The following SPIB variants were observed in gnomAD, a reference collection of about 807,000 sequenced individuals.
The protein encoded by SPIB is Spi-B transcription factor, also known as transcription factor Spi-B.
A neutral mutation model predicts 31.9 loss-of-function variants in SPIB; 7 were observed. That is an observed-to-expected ratio of 0.22 (90% CI 0.12 to 0.41). The LOEUF is 0.41. Ranked by LOEUF, SPIB falls within the 10% of genes least tolerant of loss-of-function variation. SPIB has a pLI of 1.00. For synonymous variants in SPIB, 176 were observed against 158.9 expected, an observed-to-expected ratio of 1.11 and a Z score of -0.81; for missense variants, 327 against 360.2, an observed-to-expected ratio of 0.91 and a Z score of 0.75.
At chr19:50,425,907 G>C (rs1282758694) in intron 5 of SPIB, among the ~76,000 whole-genome samples, 1 of 152,026 alleles carries the variant, frequency 6.6e-6, no homozygotes, top group Non-Finnish European at 1.5e-5. Context: ...TTCCTGAGGG[G>C]GTTTTAATTG....
Position 50,421,365 on chromosome 19 carries a change from C to T in SPIB, c.52-1108C>T, listed in dbSNP as rs911308357. On this transcript the variant is annotated intron_variant, in intron 2 of 5. Coordinates refer to ENST00000595883, the MANE Select transcript of SPIB (RefSeq NM_003121.5). Reference sequence around the variant, plus strand: ...TTGAGACAGAGTTTTGCTCTGTCGCCGGGCTGGAGTACAGTGGTGCGATCT... The same window carrying T: ...TTGAGACAGAGTTTTGCTCTGTCGCTGGGCTGGAGTACAGTGGTGCGATCT... 4.6e-5 allele frequency among the ~76,000 whole-genome samples: 7 copies of T among 152,212 alleles called. No individual in the cohort carries two copies. The East Asian group carries it at 1.2e-3, about 25-fold the overall frequency.
chr19:50,423,730 C>A lies in SPIB; in HGVS notation c.465C>A (p.Gly155=). The A allele has an allele frequency of 6.2e-7, 1 of 1,610,344 alleles. No individual in the cohort carries two copies. The highest frequency in any genetic ancestry group is 1.1e-5 in the South Asian group (1 of 90,534). ...DSESDEALVA[G]PEGKGSEAGT... ...AGTCGGATGAGGCCCTCGTGGCTGG[C>A]CCCGAGGGGAAGGGATCCGAGGCAG... is the stretch of plus-strand genomic sequence containing the variant. The change falls in exon 5 of 6, where the codon GGC becomes GGA. Residue 155 remains glycine (G), a synonymous_variant. Transcript: ENST00000595883.
intron 5 of SPIB, 77 bp from the exon 6 acceptor site, chr19:50,427,961 G>T (rs2039589462): frequency 7.1e-7 from 1 of 1,417,706 alleles, no homozygotes; most frequent in East Asian, 2.7e-5. Flanking sequence ...CGGGGTGGAA[G>T]TCTCGGAGGA....
intron 4 of SPIB, 82 bp from the exon 5 acceptor site, chr19:50,423,523 G>A: frequency 6.5e-7 from 1 of 1,537,096 alleles, no homozygotes; most frequent in Non-Finnish European, 8.8e-7. Flanking sequence ...AGAGCCAGGA[G>A]GGCCACCGCC....
intron 2 of SPIB, among the ~76,000 whole-genome samples, chr19:50,420,672 G>C (rs951973203): frequency 6.6e-6 from 1 of 152,154 alleles, no homozygotes; most frequent in African/African-American, 2.4e-5. Context: ...CTGTCACCCA[G>C]GCTGGAGTGC....
chr19:50,427,540 C>A (rs1402487117), intron 5 of SPIB, among the ~76,000 whole-genome samples: 1 of 152,124 alleles, frequency 6.6e-6, no homozygotes, highest in African/African-American at 2.4e-5. Context: ...CAAACTAAAC[C>A]CTAGGAGCCC....
At chr19:50,424,141 T>G (rs899007234) in intron 5 of SPIB, among the ~76,000 whole-genome samples, 11 of 152,300 alleles carry the variant, frequency 7.2e-5, no homozygotes, top group Non-Finnish European at 1.5e-4. Flanking sequence ...CCTTGCCCCC[T>G]GCCCGTGTGC....
intron 1 of SPIB, 140 bp from the exon 2 acceptor site, chr19:50,419,806 G>T (rs539507562): frequency 1.5e-5 from 12 of 786,150 alleles, no homozygotes; most frequent in Non-Finnish European, 2.1e-5. Flanking sequence ...GGGGGAGTCC[G>T]GTGAATGTGG....
chr19:50,424,578 C>T (rs928835614), intron 5 of SPIB, among the ~76,000 whole-genome samples: 2 of 152,044 alleles, frequency 1.3e-5, no homozygotes, highest in Admixed American at 1.3e-4. Context: ...GTCAAGAGAT[C>T]GAGACCATCC....
rs780410385 is a variant in SPIB, at chr19:50,422,940, C to G, written c.242C>G (p.Pro81Arg). ...GCTGCCCAGCTCTGCTACGAACCCC[C>G]CACCTACAGCCCTGCAGGGAACCTC... ...PQAAQLCYEPPTYSPAGNLEL... is the reference protein window; with the variant it reads ...PQAAQLCYEPRTYSPAGNLEL... Residue 81 changes from proline (P) to arginine (R), a missense_variant, in exon 4 of 6, where the codon CCC becomes CGC. Physicochemically the swap from Pro to Arg is moderately radical, Grantham distance 103. This residue lies in a region of SPIB where 238 missense variants were observed against 228.8 expected (regional missense o/e 1.04). Coordinates refer to ENST00000595883, the MANE Select transcript of SPIB (RefSeq NM_003121.5). 7 of 1,594,648 alleles carry G rather than the reference C, an allele frequency of 4.4e-6. No homozygotes were observed. In the African/African-American group the frequency reaches 6.7e-5, roughly 15 times the overall value.
At chr19:50,422,384 G>C in intron 2 of SPIB, 89 bp from the exon 3 acceptor site, 1 of 1,092,574 alleles carries the variant, frequency 9.2e-7, no homozygotes, top group South Asian at 1.3e-5. Context: ...TCCCATGTCT[G>C]TGTTGGAGTC....
rs372062888 is a variant in SPIB, at chr19:50,422,846, G to T, written c.148G>T (p.Ala50Ser). ...AGACTCCCTGTGGGACTGGACTGTG[G>T]CCCCACCTGTCCCAGCCACCCCCTA... ...APDSLWDWTV[A>S]PPVPATPYEA... The change falls in exon 4 of 6, where the codon GCC (alanine) becomes TCC (serine). Residue 50 changes from alanine to serine, a missense_variant. By Grantham distance (99) the Ala-to-Ser change is moderately conservative. Coordinates refer to ENST00000595883, the MANE Select transcript of SPIB (RefSeq NM_003121.5). 1.3e-6 allele frequency: 2 copies of T among 1,591,286 alleles called. No homozygotes were observed. The highest frequency in any genetic ancestry group is 1.7e-6 in the Non-Finnish European group (2 of 1,169,098).
At chr19:50,419,892 G>T in intron 1 of SPIB, 54 bp from the exon 2 acceptor site, 1 of 1,520,952 alleles carries the variant, frequency 6.6e-7, no homozygotes, top group East Asian at 2.7e-5. Flanking sequence ...ACCACTTTGA[G>T]ATTCAGGTGG....
chr19:50,419,392 G>A (rs762227220), intron 1 of SPIB, among the ~76,000 whole-genome samples: 7 of 151,906 alleles, frequency 4.6e-5, no homozygotes, highest in Admixed American at 2.0e-4. Flanking sequence ...TCCAGTTCTC[G>A]CTCTCCCTGC....
intron 5 of SPIB, among the ~76,000 whole-genome samples, chr19:50,427,218 C>T (rs929312165): frequency 6.6e-6 from 1 of 151,412 alleles, no homozygotes; most frequent in African/African-American, 2.4e-5. Flanking sequence ...GTAGCCAGTG[C>T]CCTGCTTTGA....
At chr19:50,422,691 A>C in intron 3 of SPIB, 132 bp from the exon 4 acceptor site, 2 of 1,062,574 alleles carry the variant, frequency 1.9e-6, no homozygotes, top group Non-Finnish European at 2.8e-6. Context: ...TCTCCTACCC[A>C]TCCGCTCCTC....
chr19:50,423,228 A>G, intron 4 of SPIB, 191 bp downstream of exon 4: 1 of 462,682 alleles, frequency 2.2e-6, no homozygotes, highest in Non-Finnish European at 3.8e-6. Context: ...AAAAAGAAAA[A>G]GAAAAGAAAA....
At chr19:50,420,400 G>GT (rs138447063) in intron 2 of SPIB, among the ~76,000 whole-genome samples, 16,280 of 151,782 alleles carry the variant, frequency 0.11, 952 homozygotes, top group South Asian at 0.2. Flanking sequence ...CCCCAGCCAT[G>GT]TTTTTTTTGT....
At position 50,422,246 on chromosome 19, in the gene SPIB, G is replaced by C. The variant is rs1485759327; in HGVS notation, c.52-227G>C. Among the ~76,000 whole-genome samples, 3 of 152,298 alleles carry C rather than the reference G, an allele frequency of 2.0e-5. No homozygotes were observed. The East Asian group carries it at 5.8e-4, about 29-fold the overall frequency. On this transcript the variant is annotated intron_variant, in intron 2 of 5. Coordinates refer to ENST00000595883, the MANE Select transcript of SPIB (RefSeq NM_003121.5). ...TTGGGAGCCCACCGTCTTAGCAGGA[G>C]CTGGCTGCTGTGTGCCCCTATTGGG... is the stretch of plus-strand genomic sequence containing the variant.
Sources: allele counts gnomAD v4.1 joint callset (sites outside exome capture counted in the v4.1 genomes callset), GRCh38; gene constraint gnomAD v4.1.1; regional missense constraint gnomAD v4.1.1; transcripts MANE v1.5; gene names NCBI Gene and HGNC (gene_info 2026-07-23, HGNC 2026-07-21).